The following VTI1A variants were observed in gnomAD, a reference collection of about 807,000 sequenced individuals.
VTI1A encodes the protein vesicle transport through interaction with t-SNAREs homolog 1A.
In VTI1A, 22 loss-of-function variants were observed where a neutral mutation model predicts 34.9. The ratio of observed to expected loss-of-function variants is 0.63; its 90% confidence interval spans 0.45 to 0.90. VTI1A has a LOEUF of 0.90. Ranked by LOEUF, VTI1A falls within the 40% of genes least tolerant of loss-of-function variation. The probability of loss-of-function intolerance (pLI) is 0.00; values close to 1 mark genes in which losing one functional copy is unlikely to be tolerated. For missense variants in VTI1A, 268 were observed against 275.6 expected, an observed-to-expected ratio of 0.97 and a Z score of 0.20; for synonymous variants, 87 against 97.3, an observed-to-expected ratio of 0.89 and a Z score of 0.62.
chr10:112,789,362 A>G (rs1852389971), intron 7 of VTI1A, among the ~76,000 whole-genome samples: 1 of 152,202 alleles, frequency 6.6e-6, no homozygotes, highest in Non-Finnish European at 1.5e-5. Flanking sequence ...CACTTAGAAT[A>G]TGTCATTCCA....
In VTI1A at chr10:112,531,827, C is replaced by T. The variant is rs1176969027; in HGVS notation, c.342+4663C>T. Among the ~76,000 whole-genome samples the T allele has an allele frequency of 3.3e-5, 5 of 152,086 alleles. No homozygotes were observed. The East Asian group carries it at 9.6e-4, about 29-fold the overall frequency. ...AGAATTAATGTTTGCCTTTTTCTCC[C>T]ATGATGTTGGGATAGCAAAGAGAAA... On this transcript the variant is annotated intron_variant, in intron 4 of 7. Transcript: ENST00000393077.
the VTI1A span, chr10:112,832,401 C>T: frequency 1.3e-5 from 2 of 152,386 alleles, no homozygotes; most frequent in Admixed American, 1.3e-4. Flanking sequence ...CCCATGGAGG[C>T]TTCTGCCCTG....
At chr10:112,497,370 G>T (rs1009513459) in intron 3 of VTI1A, among the ~76,000 whole-genome samples, 9 of 151,778 alleles carry the variant, frequency 5.9e-5, no homozygotes, top group African/African-American at 2.2e-4. Flanking sequence ...TAGAAGCTTT[G>T]CCTGGTTTTA....
In VTI1A at chr10:112,702,089, T is replaced by C. The variant is rs74839760; in HGVS notation, c.560+33091T>C. Reference sequence around the variant, plus strand: ...AAAGAAGCAGGAAGCAAAGGCCTCCTTGTGTAGGTGGACTTTGGGTAGGGC... The same window carrying C: ...AAAGAAGCAGGAAGCAAAGGCCTCCCTGTGTAGGTGGACTTTGGGTAGGGC... On this transcript the variant is annotated intron_variant, in intron 7 of 7. Coordinates refer to ENST00000393077, the MANE Select transcript of VTI1A (RefSeq NM_145206.4). 4.2e-3 allele frequency among the ~76,000 whole-genome samples: 633 copies of C among 152,264 alleles called. 6 individuals carry two copies. The highest frequency in any genetic ancestry group is 0.014 in the African/African-American group (598 of 41,550).
intron 7 of VTI1A, among the ~76,000 whole-genome samples, chr10:112,795,491 T>C (rs1852643804): frequency 6.7e-6 from 1 of 148,676 alleles, no homozygotes; most frequent in African/African-American, 2.5e-5. Context: ...CTGCAGTGCA[T>C]TGGCACAGTC....
chr10:112,511,316 T>C (rs1564806956), intron 3 of VTI1A, among the ~76,000 whole-genome samples: 1 of 151,684 alleles, frequency 6.6e-6, no homozygotes, highest in Non-Finnish European at 1.5e-5. Context: ...TGATCTCGGC[T>C]CACTGCAACC....
At chr10:112,515,639 A>G (rs573064773) in intron 3 of VTI1A, among the ~76,000 whole-genome samples, 2 of 152,214 alleles carry the variant, frequency 1.3e-5, no homozygotes, top group East Asian at 3.9e-4. Flanking sequence ...TGGAGGGACC[A>G]TAGATCAGAG....
intron 5 of VTI1A, among the ~76,000 whole-genome samples, chr10:112,594,823 A>G (rs986250095): frequency 7.2e-5 from 11 of 151,952 alleles, no homozygotes; most frequent in Admixed American, 1.3e-4. Flanking sequence ...TAAAGTTCAT[A>G]TGGAACCAAA....
intron 3 of VTI1A, among the ~76,000 whole-genome samples, chr10:112,519,873 A>G (rs1246041023): frequency 1.3e-5 from 2 of 152,060 alleles, no homozygotes; most frequent in Admixed American, 6.6e-5. Flanking sequence ...AACTGTGACT[A>G]TGGACAGATT....
chr10:112,641,350 C>G (rs1048799015), intron 5 of VTI1A, among the ~76,000 whole-genome samples: 1 of 152,132 alleles, frequency 6.6e-6, no homozygotes, highest in East Asian at 1.9e-4. Context: ...AAGGAAAAAA[C>G]AGAATAGCCA....
intron 5 of VTI1A, among the ~76,000 whole-genome samples, chr10:112,587,353 G>T (rs1444160609): frequency 6.6e-6 from 1 of 151,982 alleles, no homozygotes; most frequent in East Asian, 1.9e-4. Flanking sequence ...GTATGTTCTT[G>T]CCCCAAAGAG....
intron 3 of VTI1A, among the ~76,000 whole-genome samples, chr10:112,493,102 A>G (rs757222329): frequency 3.9e-5 from 6 of 152,202 alleles, no homozygotes; most frequent in African/African-American, 1.2e-4. Flanking sequence ...TAAAAATACT[A>G]CATCTTCCAA....
At chr10:112,786,973 G>A (rs1480496387) in intron 7 of VTI1A, among the ~76,000 whole-genome samples, 1 of 152,122 alleles carries the variant, frequency 6.6e-6, no homozygotes, top group Non-Finnish European at 1.5e-5. Context: ...ATTTGTGTAG[G>A]AACAGTATTA....
rs76140829 is a variant in VTI1A at position 112,679,087 on chromosome 10, G to A, written c.560+10089G>A. On this transcript the variant is annotated intron_variant, in intron 7 of 7. Coordinates refer to ENST00000393077, the MANE Select transcript of VTI1A (RefSeq NM_145206.4). Reference sequence around the variant, plus strand: ...AGCTAAGAATTTTTTTTAAGCCACCGTTAGGGCAGGAAATGGCTCCTTTTC... The same window carrying A: ...AGCTAAGAATTTTTTTTAAGCCACCATTAGGGCAGGAAATGGCTCCTTTTC... 2.0e-3 allele frequency among the ~76,000 whole-genome samples: 299 copies of A among 152,196 alleles called. 9 individuals carry two copies. In the East Asian group the frequency reaches 0.05, roughly 26 times the overall value.
intron 5 of VTI1A, among the ~76,000 whole-genome samples, chr10:112,663,665 G>T (rs1258918121): frequency 6.6e-6 from 1 of 152,198 alleles, no homozygotes; most frequent in Non-Finnish European, 1.5e-5. Flanking sequence ...CATGATAGCT[G>T]AGTCAGTGCC....
At chr10:112,477,663 T>C (rs912950357) in intron 3 of VTI1A, among the ~76,000 whole-genome samples, 1 of 152,182 alleles carries the variant, frequency 6.6e-6, no homozygotes, top group African/African-American at 2.4e-5. Context: ...TTGCATGGCA[T>C]TGGCCTTGGT....
intron 3 of VTI1A, among the ~76,000 whole-genome samples, chr10:112,496,185 A>ACCCCCCCCC (rs66554158): frequency 6.7e-3 from 187 of 27,816 alleles, no homozygotes; most frequent in African/African-American, 8.5e-3. Flanking sequence ...AAATGGGGAG[A>ACCCCCCCCC]CCCCCCCCCC....
At chr10:112,654,703 G>T (rs912968026) in intron 5 of VTI1A, among the ~76,000 whole-genome samples, 11 of 151,978 alleles carry the variant, frequency 7.2e-5, no homozygotes, top group Non-Finnish European at 4.4e-5. Flanking sequence ...CCGTGGGCTC[G>T]ATCTCCTGAC....
intron 5 of VTI1A, among the ~76,000 whole-genome samples, chr10:112,614,455 A>G (rs1231819975): frequency 6.6e-6 from 1 of 152,226 alleles, no homozygotes; most frequent in Non-Finnish European, 1.5e-5. Context: ...GGAAAAAGAA[A>G]GAGACCGCCC....
Sources: allele counts gnomAD v4.1 joint callset (sites outside exome capture counted in the v4.1 genomes callset), GRCh38; gene constraint gnomAD v4.1.1; transcripts MANE v1.5; gene names NCBI Gene and HGNC (gene_info 2026-07-23, HGNC 2026-07-21).